PDE3A: variants seen among roughly 807,000 people sequenced by gnomAD.
PDE3A encodes cGMP-inhibited 3',5'-cyclic phosphodiesterase 3A.
In PDE3A, 43 loss-of-function variants were observed where a neutral mutation model predicts 98.3. The observed-to-expected ratio is 0.44, with a 90% CI of 0.34 to 0.56. The LOEUF (loss-of-function observed/expected upper bound fraction) is 0.56, where lower values mean the gene tolerates loss of function less well. Ranked by LOEUF, PDE3A falls within the 20% of genes least tolerant of loss-of-function variation. The probability of loss-of-function intolerance (pLI) is 0.01; values close to 1 mark genes in which losing one functional copy is unlikely to be tolerated. For synonymous variants in PDE3A, 663 were observed against 567.9 expected, an observed-to-expected ratio of 1.17 and a Z score of -2.38; for missense variants, 1,427 against 1,440.7, an observed-to-expected ratio of 0.99 and a Z score of 0.15.
chr12:20,434,294 A>G (rs924306870), intron 1 of PDE3A, among the ~76,000 whole-genome samples: 22 of 151,986 alleles, frequency 1.4e-4, no homozygotes, highest in Non-Finnish European at 2.9e-5. Context: ...GGGAACATAC[A>G]TTTGCAATGT....
intron 1 of PDE3A, among the ~76,000 whole-genome samples, chr12:20,519,039 A>C (rs1266791001): frequency 7.5e-6 from 1 of 133,702 alleles, no homozygotes; most frequent in African/African-American, 2.7e-5. Flanking sequence ...TGGTTTTCAT[A>C]ACTTTAGGGG....
At chr12:20,458,224 C>A (rs1212810750) in intron 1 of PDE3A, among the ~76,000 whole-genome samples, 1 of 151,998 alleles carries the variant, frequency 6.6e-6, no homozygotes, top group Non-Finnish European at 1.5e-5. Context: ...TAATATGTTT[C>A]CTGAAAGTCC....
At chr12:20,550,700 G>A (rs1223172128) in intron 1 of PDE3A, among the ~76,000 whole-genome samples, 1 of 151,904 alleles carries the variant, frequency 6.6e-6, no homozygotes, top group East Asian at 1.9e-4. Context: ...ATAATTCCAA[G>A]GCTTAAAACA....
At chr12:20,391,573 A>G (rs1943916393) in intron 1 of PDE3A, among the ~76,000 whole-genome samples, 1 of 151,218 alleles carries the variant, frequency 6.6e-6, no homozygotes, top group Non-Finnish European at 1.5e-5. Flanking sequence ...ATCATAGTAA[A>G]TTTTTGGAGG....
intron 15 of PDE3A, among the ~76,000 whole-genome samples, chr12:20,673,617 G>C (rs573326915): frequency 1.3e-5 from 2 of 149,878 alleles, no homozygotes; most frequent in Non-Finnish European, 3.0e-5. Context: ...ACCAAAGACC[G>C]CATATTCTCA....
intron 1 of PDE3A, among the ~76,000 whole-genome samples, chr12:20,515,364 A>G (rs1946298827): frequency 6.6e-6 from 1 of 152,236 alleles, no homozygotes; most frequent in Non-Finnish European, 1.5e-5. Context: ...ACCTCAGAAT[A>G]TATGTCAAAT....
At chr12:20,567,375 T>C (rs1177862437) in intron 2 of PDE3A, among the ~76,000 whole-genome samples, 1 of 152,010 alleles carries the variant, frequency 6.6e-6, no homozygotes, top group African/African-American at 2.4e-5. Flanking sequence ...TTATTTATGC[T>C]ATTCCCCTGC....
chr12:20,613,224 C>T (rs1342467611), intron 2 of PDE3A, among the ~76,000 whole-genome samples: 2 of 152,088 alleles, frequency 1.3e-5, no homozygotes, highest in South Asian at 2.1e-4. Flanking sequence ...GCTTGACCCT[C>T]CCCAAGTTCT....
chr12:20,417,397 G>GT (rs750928463), intron 1 of PDE3A, among the ~76,000 whole-genome samples: 9 of 152,132 alleles, frequency 5.9e-5, no homozygotes, highest in Non-Finnish European at 5.9e-5. Flanking sequence ...TTAGATACTG[G>GT]TATATTAAAG....
At chr12:20,671,498 A>G (rs960108953) in intron 15 of PDE3A, among the ~76,000 whole-genome samples, 50 of 151,942 alleles carry the variant, frequency 3.3e-4, no homozygotes, top group African/African-American at 1.2e-3. Context: ...AAGCTTATCC[A>G]CAATGATCAA....
chr12:20,527,270 A>AAAT (rs1946542137), intron 1 of PDE3A, among the ~76,000 whole-genome samples: 2 of 152,120 alleles, frequency 1.3e-5, no homozygotes, highest in South Asian at 4.1e-4. Flanking sequence ...AAACATAATT[A>AAAT]AATAGCTTCT....
chr12:20,620,459 T>C (rs537845410), intron 4 of PDE3A, among the ~76,000 whole-genome samples: 2 of 152,144 alleles, frequency 1.3e-5, no homozygotes, highest in Non-Finnish European at 2.9e-5. Context: ...TCTCCCACAT[T>C]AGGATGGAGT....
intron 1 of PDE3A, among the ~76,000 whole-genome samples, chr12:20,386,178 T>TATATATAA (rs1943792286): frequency 1.3e-5 from 1 of 75,896 alleles, no homozygotes; most frequent in African/African-American, 4.6e-5. Flanking sequence ...TATAAAAATA[T>TATATATAA]ATATAAATAT....
At chr12:20,373,592 G>T (rs1339742453) in intron 1 of PDE3A, among the ~76,000 whole-genome samples, 1 of 151,998 alleles carries the variant, frequency 6.6e-6, no homozygotes, top group Non-Finnish European at 1.5e-5. Flanking sequence ...ACTTTTGAAA[G>T]ATTTCAAACC....
Position 20,686,967 on chromosome 12 carries a change from A to C in PDE3A, c.*6696A>C, listed in dbSNP as rs1945981822. On this transcript the variant is annotated 3_prime_UTR_variant, in exon 16 of 16. Transcript: ENST00000359062. ...TACTCTGGAGTGAAATGACTTGTGG[A>C]TACACTGTTCAACCATGACTTCCTT... is the stretch of plus-strand genomic sequence containing the variant. Among the ~76,000 whole-genome samples, 1 of 152,152 alleles carries C rather than the reference A, an allele frequency of 6.6e-6. No homozygotes were observed. The highest frequency in any genetic ancestry group is 1.5e-5 in the Non-Finnish European group (1 of 67,990).
intron 2 of PDE3A, chr12:20,557,036 G>T: frequency 3.9e-6 from 1 of 256,014 alleles, no homozygotes; most frequent in Non-Finnish European, 7.3e-6. Flanking sequence ...ATTTTTCCGT[G>T]TATTTTCTTT....
intron 1 of PDE3A, among the ~76,000 whole-genome samples, chr12:20,527,821 T>C (rs1449268891): frequency 6.6e-6 from 1 of 152,040 alleles, no homozygotes; most frequent in African/African-American, 2.4e-5. Flanking sequence ...TTTCCCCCCA[T>C]TATATTGTTA....
chr12:20,636,314 T>C (rs1458202886), intron 8 of PDE3A, among the ~76,000 whole-genome samples: 1 of 152,206 alleles, frequency 6.6e-6, no homozygotes, highest in Non-Finnish European at 1.5e-5. Flanking sequence ...CAAGTGATCA[T>C]CAATGGCTGC....
intron 1 of PDE3A, among the ~76,000 whole-genome samples, chr12:20,423,222 TTG>T (rs1944548617): frequency 6.6e-6 from 1 of 152,210 alleles, no homozygotes; most frequent in African/African-American, 2.4e-5. Context: ...CAATAAATCC[TTG>T]TGTTTTCATA....
Sources: gnomAD v4.1 joint callset for allele counts (sites outside exome capture counted in the v4.1 genomes callset) on GRCh38, gnomAD v4.1.1 for gene constraint, MANE v1.5 for transcripts, NCBI Gene and HGNC (gene_info 2026-07-23, HGNC 2026-07-21) for gene names.